The following STX8 variants were observed in gnomAD, a reference collection of about 807,000 sequenced individuals.
The protein encoded by STX8 is syntaxin-8.
Under a neutral mutation model 37.5 loss-of-function variants are expected in STX8, and 23 were observed. The ratio of observed to expected loss-of-function variants is 0.61; its 90% CI spans 0.44 to 0.87. STX8 has a LOEUF of 0.87. Ranked by LOEUF, STX8 falls within the 40% of genes least tolerant of loss-of-function variation. The pLI is 0.00. For synonymous variants in STX8, 115 were observed against 99.1 expected, an observed-to-expected ratio of 1.16 and a Z score of -0.95; for missense variants, 313 against 284.7, an observed-to-expected ratio of 1.10 and a Z score of -0.71.
chr17:9,319,971 TA>T (rs1363837910), intron 7 of STX8, among the ~76,000 whole-genome samples: 3 of 149,652 alleles, frequency 2.0e-5, no homozygotes, highest in Non-Finnish European at 4.5e-5. Flanking sequence ...AATAAATAAA[TA>T]AAATAAAATA....
intron 7 of STX8, among the ~76,000 whole-genome samples, chr17:9,273,622 C>T (rs768499233): frequency 4.6e-5 from 7 of 152,222 alleles, no homozygotes; most frequent in Admixed American, 3.3e-4. Context: ...CATGGCGCTA[C>T]GCAGGTTAAC....
At chr17:9,397,526 G>A (rs879641271) in intron 6 of STX8, among the ~76,000 whole-genome samples, 3 of 152,200 alleles carry the variant, frequency 2.0e-5, no homozygotes, top group Non-Finnish European at 4.4e-5. Context: ...ATGTGGTGAT[G>A]GATTTGAGAA....
chr17:9,571,438 T>G (rs1456739877), intron 1 of STX8, among the ~76,000 whole-genome samples: 2 of 151,486 alleles, frequency 1.3e-5, no homozygotes, highest in Admixed American at 6.6e-5. Flanking sequence ...CTCATTACAC[T>G]ATCAAGCACA....
At chr17:9,494,172 C>T (rs996060039) in intron 5 of STX8, among the ~76,000 whole-genome samples, 1 of 151,590 alleles carries the variant, frequency 6.6e-6, no homozygotes, top group Non-Finnish European at 1.5e-5. Flanking sequence ...CCCGCCACCA[C>T]GCCCGGCTAA....
At chr17:9,390,500 C>T (rs1420270369) in intron 6 of STX8, among the ~76,000 whole-genome samples, 2 of 146,688 alleles carry the variant, frequency 1.4e-5, no homozygotes, top group African/African-American at 2.5e-5. Flanking sequence ...ACGGCCTGGA[C>T]AGCAAGAGCG....
At chr17:9,392,737 A>G (rs1912267843) in intron 6 of STX8, among the ~76,000 whole-genome samples, 1 of 152,244 alleles carries the variant, frequency 6.6e-6, no homozygotes, top group African/African-American at 2.4e-5. Flanking sequence ...GAAAAACACA[A>G]TAACCAAATT....
chr17:9,430,063 T>TATATATTCTATATA (rs1432884614), intron 6 of STX8, among the ~76,000 whole-genome samples: 1 of 60,052 alleles, frequency 1.7e-5, no homozygotes, highest in African/African-American at 8.9e-5. Flanking sequence ...CTATATAATA[T>TATATATTCTATATA]ATATATTCTA....
chr17:9,342,244 G>A (rs535967903), intron 7 of STX8, among the ~76,000 whole-genome samples: 13 of 152,226 alleles, frequency 8.5e-5, no homozygotes, highest in Admixed American at 7.8e-4. Context: ...CTCAACCACC[G>A]CTCACCTGCT....
At chr17:9,274,559 C>G (rs1183243156) in intron 7 of STX8, among the ~76,000 whole-genome samples, 5 of 150,490 alleles carry the variant, frequency 3.3e-5, no homozygotes, top group Non-Finnish European at 5.9e-5. Context: ...ACCTGTAGTC[C>G]CAGCTACTTG....
At chr17:9,482,967 T>C (rs1435277793) in intron 6 of STX8, among the ~76,000 whole-genome samples, 1 of 152,102 alleles carries the variant, frequency 6.6e-6, no homozygotes, top group African/African-American at 2.4e-5. Flanking sequence ...AGAGGAGCTG[T>C]AGACACAAAT....
At chr17:9,362,594 G>A (rs574836782) in intron 7 of STX8, among the ~76,000 whole-genome samples, 4 of 151,834 alleles carry the variant, frequency 2.6e-5, no homozygotes, top group South Asian at 2.1e-4. Context: ...CGAGGTGGGC[G>A]TATCACGAGG....
intron 6 of STX8, among the ~76,000 whole-genome samples, chr17:9,450,406 C>T (rs1905002883): frequency 6.6e-6 from 1 of 151,804 alleles, no homozygotes; most frequent in Non-Finnish European, 1.5e-5. Context: ...ATAAACCTCA[C>T]ACTAAAAAAG....
chr17:9,467,481 T>G (rs1332720497), intron 6 of STX8: 1 of 152,192 alleles, frequency 6.6e-6, no homozygotes, highest in African/African-American at 2.4e-5. Flanking sequence ...CAACAATGAC[T>G]GCAGAAAACA....
chr17:9,486,266 G>A (rs1906593901), intron 6 of STX8, among the ~76,000 whole-genome samples: 1 of 152,180 alleles, frequency 6.6e-6, no homozygotes, highest in Non-Finnish European at 1.5e-5. Flanking sequence ...GGATAGGATA[G>A]AGAAAAAGGA....
At chr17:9,537,696 T>G (rs1906114245) in intron 4 of STX8, among the ~76,000 whole-genome samples, 1 of 152,216 alleles carries the variant, frequency 6.6e-6, no homozygotes, top group Non-Finnish European at 1.5e-5. Flanking sequence ...CATTGAGCAA[T>G]TACTTATTAA....
intron 7 of STX8, among the ~76,000 whole-genome samples, chr17:9,287,502 A>T (rs1908121665): frequency 6.6e-6 from 1 of 152,212 alleles, no homozygotes; most frequent in South Asian, 2.1e-4. Context: ...TTCATAGGGC[A>T]TGAGAAGCTG....
In STX8 at chr17:9,561,916, TAATTAGAAAG is replaced by T. The variant is rs1226194482; in HGVS notation, c.118-4398_118-4389del. On this transcript the variant is annotated intron_variant, in intron 2 of 7. Transcript: ENST00000306357. Reference sequence around the variant, plus strand: ...TTTGGCTATACTGAAAAATCATTTGTAATTAGAAAGAATCTAACTGTCCAAGAAGATGACA... The same window carrying T: ...TTTGGCTATACTGAAAAATCATTTGTAATCTAACTGTCCAAGAAGATGACA... Among the ~76,000 whole-genome samples the T allele has an allele frequency of 2.0e-5, 3 of 152,230 alleles. No homozygotes were observed. In the East Asian group the frequency reaches 5.8e-4, roughly 29 times the overall value.
chr17:9,437,863 A>T (rs1904490472), intron 6 of STX8: 1 of 152,206 alleles, frequency 6.6e-6, no homozygotes. Context: ...TTCCATGATG[A>T]ATTTCAATCA....
At chr17:9,286,354 T>C (rs1908071259) in intron 7 of STX8, among the ~76,000 whole-genome samples, 1 of 152,220 alleles carries the variant, frequency 6.6e-6, no homozygotes, top group African/African-American at 2.4e-5. Flanking sequence ...ACAATTATTT[T>C]GGCTTTGGGA....
Sources: allele counts gnomAD v4.1 joint callset (sites outside exome capture counted in the v4.1 genomes callset), GRCh38; gene constraint gnomAD v4.1.1; transcripts MANE v1.5; gene names NCBI Gene and HGNC (gene_info 2026-07-23, HGNC 2026-07-21).